Variants in GRM7 observed in about 807,000 individuals in gnomAD.
The protein encoded by GRM7 is glutamate metabotropic receptor 7, also known as metabotropic glutamate receptor 7.
A neutral mutation model predicts 84.5 loss-of-function variants in GRM7; 35 were observed. The ratio of observed to expected loss-of-function variants is 0.41; its 90% confidence interval spans 0.32 to 0.55. The LOEUF (loss-of-function observed/expected upper bound fraction) is 0.55. Ranked by LOEUF, GRM7 falls within the 20% of genes least tolerant of loss-of-function variation. The probability of loss-of-function intolerance (pLI) is 0.19; values close to 1 mark genes in which losing one functional copy is unlikely to be tolerated. For synonymous variants in GRM7, 487 were observed against 455.1 expected, an observed-to-expected ratio of 1.07 and a Z score of -0.89; for missense variants, 1,003 against 1,194.6, an observed-to-expected ratio of 0.84 and a Z score of 2.36.
At chr3:7,240,058 C>T (rs1051947146) in intron 2 of GRM7, among the ~76,000 whole-genome samples, 4 of 149,448 alleles carry the variant, frequency 2.7e-5, no homozygotes, top group Non-Finnish European at 5.9e-5. Flanking sequence ...ATCCATTTTC[C>T]CCTGTGGAAT....
chr3:7,070,937 CTTTAA>C (rs1249516089), intron 1 of GRM7, among the ~76,000 whole-genome samples: 5 of 152,170 alleles, frequency 3.3e-5, no homozygotes, highest in South Asian at 2.1e-4. Context: ...GTTCTTTTTA[CTTTAA>C]TTTGCTTTTT....
intron 4 of GRM7, among the ~76,000 whole-genome samples, chr3:7,368,485 T>C (rs1350572283): frequency 4.6e-5 from 7 of 152,250 alleles, no homozygotes; most frequent in African/African-American, 1.4e-4. Context: ...ATTTACTTTA[T>C]ATAATTCATT....
At chr3:7,618,756 G>A (rs1034536199) in intron 8 of GRM7, among the ~76,000 whole-genome samples, 2 of 152,118 alleles carry the variant, frequency 1.3e-5, no homozygotes, top group African/African-American at 4.8e-5. Flanking sequence ...CACTCCTTTA[G>A]GAGAACACAC....
chr3:7,477,208 G>A (rs1698957292), intron 7 of GRM7, among the ~76,000 whole-genome samples: 2 of 152,188 alleles, frequency 1.3e-5, no homozygotes, highest in East Asian at 3.9e-4. Context: ...AGCATTTCTG[G>A]TGGAATTTTT....
At position 7,578,872 on chromosome 3, in the gene GRM7, T is replaced by A. The variant is rs1477629486; in HGVS notation, c.1966T>A (p.Ser656Thr). ...TGCCAAACCAGATGTGGCAGTGTGT[T>A]CTTTCCGGCGAGTTTTCTTGGGCTT... The part of the protein sequence containing the change: ...MIAKPDVAVC[S>T]FRRVFLGLGM... The change falls in exon 8 of 10, where the codon TCT becomes ACT. Residue 656 changes from serine (S) to threonine (T), a missense_variant. By Grantham distance (58) the Ser-to-Thr change is moderately conservative. This residue lies in a region of GRM7 where 910 missense variants were observed against 1,126.0 expected (regional missense o/e 0.81). Transcript: ENST00000357716. 1 of 1,614,174 alleles carries A rather than the reference T, an allele frequency of 6.2e-7. No individual in the cohort carries two copies. The highest frequency in any genetic ancestry group is 1.7e-5 in the Admixed American group (1 of 60,016).
chr3:7,099,558 T>G (rs184147779), intron 1 of GRM7, among the ~76,000 whole-genome samples: 45 of 146,066 alleles, frequency 3.1e-4, no homozygotes, highest in African/African-American at 1.1e-3. Context: ...TATGTATATG[T>G]ACACGCATTA....
At chr3:6,961,954 G>A (rs1693317819) in intron 1 of GRM7, among the ~76,000 whole-genome samples, 1 of 152,104 alleles carries the variant, frequency 6.6e-6, no homozygotes, top group South Asian at 2.1e-4. Flanking sequence ...TACAGCCAGG[G>A]TTCCATATCT....
chr3:7,473,283 C>T (rs1325168694), intron 7 of GRM7, among the ~76,000 whole-genome samples: 1 of 151,986 alleles, frequency 6.6e-6, no homozygotes, highest in Non-Finnish European at 1.5e-5. Context: ...GCCTGGACAA[C>T]AAAGCAAAAC....
chr3:6,870,767 A>G (rs1427325986), intron 1 of GRM7, among the ~76,000 whole-genome samples: 4 of 152,164 alleles, frequency 2.6e-5, no homozygotes, highest in East Asian at 3.9e-4. Flanking sequence ...TGTGAAAGAA[A>G]GAACAGGATC....
chr3:7,513,649 T>C (rs940362593), intron 7 of GRM7, among the ~76,000 whole-genome samples: 7 of 152,218 alleles, frequency 4.6e-5, no homozygotes, highest in East Asian at 1.9e-4. Flanking sequence ...CTTGAGGTGA[T>C]GGGTATTCTA....
intron 1 of GRM7, among the ~76,000 whole-genome samples, chr3:6,891,014 G>A (rs553679368): frequency 4.6e-5 from 7 of 151,776 alleles, no homozygotes; most frequent in Admixed American, 4.6e-4. Context: ...TTTGATCTTT[G>A]TTGGTTTAAA....
rs557342886 is a variant in GRM7, at chr3:7,492,972, A to G, written c.1515+31250A>G. On this transcript the variant is annotated intron_variant, in intron 7 of 9. Transcript: ENST00000357716. ...CAAGTGTATTGTTTAATTGCTACAC[A>G]TTGAGAGATTTTCCTGTTTCCTGTT... is the stretch of plus-strand genomic sequence containing the variant. 6.6e-5 allele frequency among the ~76,000 whole-genome samples: 10 copies of G among 152,100 alleles called. No individual in the cohort carries two copies. In the South Asian group the frequency reaches 1.4e-3, roughly 22 times the overall value.
intron 7 of GRM7, among the ~76,000 whole-genome samples, chr3:7,476,383 T>TA (rs1698922632): frequency 2.0e-5 from 3 of 152,002 alleles, no homozygotes; most frequent in Admixed American, 2.0e-4. Context: ...CCGTCTCTAC[T>TA]AAAAATACAA....
At chr3:7,460,007 T>A (rs1296198017) in intron 6 of GRM7, among the ~76,000 whole-genome samples, 1 of 144,524 alleles carries the variant, frequency 6.9e-6, no homozygotes, top group Non-Finnish European at 1.5e-5. Context: ...AGAGACAGGA[T>A]GAGATGGATA....
At chr3:7,674,221 C>G (rs1302897236) in intron 8 of GRM7, among the ~76,000 whole-genome samples, 1 of 149,650 alleles carries the variant, frequency 6.7e-6, no homozygotes, top group Non-Finnish European at 1.5e-5. Context: ...GATGGGGTTT[C>G]ACTCTTGTCA....
chr3:7,490,617 G>T (rs539905929), intron 7 of GRM7, among the ~76,000 whole-genome samples: 4 of 152,236 alleles, frequency 2.6e-5, no homozygotes, highest in Admixed American at 6.5e-5. Flanking sequence ...CGATATAAAA[G>T]AAATCATTCA....
chr3:7,042,903 A>G (rs1393218701), intron 1 of GRM7, among the ~76,000 whole-genome samples: 1 of 152,132 alleles, frequency 6.6e-6, no homozygotes, highest in East Asian at 1.9e-4. Context: ...TATTTTTACA[A>G]GTATTTCTGA....
At chr3:7,578,278 C>T in intron 7 of GRM7, 144 bp from the exon 8 acceptor site, 1 of 617,242 alleles carries the variant, frequency 1.6e-6, no homozygotes, top group South Asian at 2.1e-5. Context: ...TCAAATCATA[C>T]TTGTAACTCT....
intron 7 of GRM7, among the ~76,000 whole-genome samples, chr3:7,556,714 A>G (rs1042289441): frequency 6.6e-6 from 1 of 152,190 alleles, no homozygotes; most frequent in Non-Finnish European, 1.5e-5. Context: ...AAACTGCATC[A>G]TTGACATCAT....
Sources: gnomAD v4.1 joint callset for allele counts (sites outside exome capture counted in the v4.1 genomes callset) on GRCh38, gnomAD v4.1.1 for gene constraint, gnomAD v4.1.1 regional missense constraint, MANE v1.5 for transcripts, NCBI Gene and HGNC (gene_info 2026-07-23, HGNC 2026-07-21) for gene names.